Variants in ROBO1 observed in about 807,000 individuals in gnomAD.
The protein encoded by ROBO1 is roundabout homolog 1.
In ROBO1, 149 loss-of-function variants were observed where a neutral mutation model predicts 195.9. The observed-to-expected ratio is 0.76, with a 90% CI of 0.67 to 0.87. The LOEUF is 0.87. Ranked by LOEUF, ROBO1 falls within the 40% of genes least tolerant of loss-of-function variation. The pLI, the probability that ROBO1 is intolerant of heterozygous loss-of-function variation, is 0.00. For missense variants in ROBO1, 1,933 were observed against 2,068.3 expected, an observed-to-expected ratio of 0.93 and a Z score of 1.27; for synonymous variants, 816 against 733.2, an observed-to-expected ratio of 1.11 and a Z score of -1.82.
intron 2 of ROBO1, among the ~76,000 whole-genome samples, chr3:79,392,987 A>G (rs563924542): frequency 3.3e-4 from 50 of 152,284 alleles, no homozygotes; most frequent in African/African-American, 1.2e-3. Context: ...TCCCTTTGAA[A>G]CATAATCCAC....
At chr3:78,616,701 T>G (rs1438850219) in intron 27 of ROBO1, among the ~76,000 whole-genome samples, 2 of 152,140 alleles carry the variant, frequency 1.3e-5, no homozygotes, top group Admixed American at 1.3e-4. Flanking sequence ...ATCTCTTTCT[T>G]GCTGATCATT....
At chr3:79,757,729 A>T (rs1405655594) in intron 1 of ROBO1, among the ~76,000 whole-genome samples, 3 of 152,146 alleles carry the variant, frequency 2.0e-5, no homozygotes, top group Non-Finnish European at 4.4e-5. Context: ...TTAATGTCAA[A>T]TTGAATCCAA....
At chr3:78,724,513 T>TAAAAA (rs138643700) in intron 5 of ROBO1, among the ~76,000 whole-genome samples, 6 of 89,652 alleles carry the variant, frequency 6.7e-5, no homozygotes, top group African/African-American at 2.6e-4. Flanking sequence ...CCATCTCTAC[T>TAAAAA]AAAAAAAAAA....
At position 78,627,511 on chromosome 3, in the gene ROBO1, C is replaced by A; in HGVS notation, c.3685G>T (p.Glu1229Ter). ...PPARMYLQQD[E>*]LEEEEDERGP... ...CGTTCATCTTCCTCCTCTTCTAATT[C>A]ATCTTGTTGCAAATACATCCTTGCT... Residue 1229 changes from glutamate to a stop codon, truncating the protein, a stop_gained, in exon 26 of 31, where the codon GAA becomes TAA. Coordinates refer to ENST00000464233, the MANE Select transcript of ROBO1 (RefSeq NM_002941.4). LOFTEE classifies it high-confidence loss of function. 6.2e-7 allele frequency: 1 copy of A among 1,613,346 alleles called. No homozygotes were observed. The highest frequency in any genetic ancestry group is 8.5e-7 in the Non-Finnish European group (1 of 1,179,696).
At chr3:79,448,231 G>C (rs1402470255) in intron 2 of ROBO1, among the ~76,000 whole-genome samples, 1 of 152,114 alleles carries the variant, frequency 6.6e-6, no homozygotes, top group Non-Finnish European at 1.5e-5. Flanking sequence ...TTCAAAATTT[G>C]TGATTCTATC....
intron 1 of ROBO1, among the ~76,000 whole-genome samples, chr3:79,675,365 T>C (rs1222063085): frequency 9.2e-5 from 14 of 152,012 alleles, no homozygotes; most frequent in Admixed American, 9.2e-4. Flanking sequence ...AATTATTCAG[T>C]CTAATGGAGG....
At chr3:79,649,854 G>A (rs938699640) in intron 1 of ROBO1, among the ~76,000 whole-genome samples, 1 of 151,818 alleles carries the variant, frequency 6.6e-6, no homozygotes, top group Non-Finnish European at 1.5e-5. Context: ...TCTGGAGATC[G>A]GACGCATCCT....
chr3:79,423,871 G>A (rs2038333582), intron 2 of ROBO1, among the ~76,000 whole-genome samples: 1 of 152,054 alleles, frequency 6.6e-6, no homozygotes, highest in Non-Finnish European at 1.5e-5. Flanking sequence ...TCAGATGGAG[G>A]AGATGAGAAG....
intron 10 of ROBO1, among the ~76,000 whole-genome samples, chr3:78,677,909 A>C (rs1708539718): frequency 6.6e-6 from 1 of 151,686 alleles, no homozygotes. Context: ...TCCAAAATTG[A>C]CCACGTAGTT....
intron 4 of ROBO1, among the ~76,000 whole-genome samples, chr3:78,763,400 T>C (rs2083153783): frequency 6.6e-6 from 1 of 152,164 alleles, no homozygotes; most frequent in Admixed American, 6.6e-5. Context: ...CTCCAACTTG[T>C]TTAATGTATG....
intron 1 of ROBO1, among the ~76,000 whole-genome samples, chr3:79,658,775 T>C (rs1946243906): frequency 6.6e-6 from 1 of 151,928 alleles, no homozygotes; most frequent in Non-Finnish European, 1.5e-5. Flanking sequence ...AAATCTATTT[T>C]TTTTTTTTTC....
intron 2 of ROBO1, among the ~76,000 whole-genome samples, chr3:79,290,798 C>T (rs373836092): frequency 1.2e-4 from 19 of 152,226 alleles, no homozygotes; most frequent in African/African-American, 4.1e-4. Context: ...ATCTTGCCAC[C>T]TTTATTCAAG....
At chr3:79,277,785 A>G (rs1265026275) in intron 2 of ROBO1, among the ~76,000 whole-genome samples, 2 of 133,572 alleles carry the variant, frequency 1.5e-5, no homozygotes, top group African/African-American at 3.4e-5. Flanking sequence ...AAATAACATT[A>G]AAAATAAAAA....
chr3:79,338,768 ATTAT>A (rs2034789828), intron 2 of ROBO1, among the ~76,000 whole-genome samples: 1 of 151,956 alleles, frequency 6.6e-6, no homozygotes, highest in South Asian at 2.1e-4. Context: ...TATTTCTTCT[ATTAT>A]TGTGAATTTA....
intron 2 of ROBO1, among the ~76,000 whole-genome samples, chr3:79,538,040 G>A (rs1215972049): frequency 1.3e-5 from 2 of 152,172 alleles, no homozygotes; most frequent in African/African-American, 4.8e-5. Context: ...GATTGGACAA[G>A]CTTCATGTAT....
chr3:78,871,546 G>A (rs565277874), intron 4 of ROBO1, among the ~76,000 whole-genome samples: 2 of 152,102 alleles, frequency 1.3e-5, no homozygotes, highest in East Asian at 3.9e-4. Flanking sequence ...TAAATAAGAT[G>A]ACATACATTT....
chr3:79,425,886 G>A (rs2038426826), intron 2 of ROBO1, among the ~76,000 whole-genome samples: 1 of 152,144 alleles, frequency 6.6e-6, no homozygotes, highest in Admixed American at 6.6e-5. Flanking sequence ...TGGTTGCATT[G>A]TTTTGCACTT....
intron 2 of ROBO1, among the ~76,000 whole-genome samples, chr3:79,515,230 T>C (rs1055982847): frequency 2.0e-5 from 3 of 152,194 alleles, no homozygotes; most frequent in Non-Finnish European, 2.9e-5. Context: ...TCCTGCACTG[T>C]TGAACAATGC....
intron 2 of ROBO1, among the ~76,000 whole-genome samples, chr3:79,588,966 T>C (rs997957881): frequency 6.6e-6 from 1 of 151,830 alleles, no homozygotes; most frequent in South Asian, 2.1e-4. Flanking sequence ...TGGATGAACA[T>C]GACAAGTTAC....
Sources: gnomAD v4.1 joint callset for allele counts (sites outside exome capture counted in the v4.1 genomes callset) on GRCh38, gnomAD v4.1.1 for gene constraint, MANE v1.5 for transcripts, NCBI Gene and HGNC (gene_info 2026-07-23, HGNC 2026-07-21) for gene names.